The following RHOU variants were observed in gnomAD, a reference collection of about 807,000 sequenced individuals.
The protein encoded by RHOU is ras homolog family member U.
Under a neutral mutation model 12.6 loss-of-function variants are expected in RHOU, and 8 were observed. That is an observed-to-expected ratio of 0.64 (90% confidence interval 0.37 to 1.15). The LOEUF is 1.15. Among genes scored for constraint, RHOU ranks in the 50% most tolerant of loss-of-function variants. RHOU has a pLI of 0.01. For missense variants in RHOU, 258 were observed against 347.0 expected (o/e 0.74, Z 2.04); for synonymous variants, 161 against 147.4 (o/e 1.09, Z -0.67).
chr1:228,703,527 G>GA, the RHOU span, among the ~76,000 whole-genome samples: 1,360 of 146,798 alleles, frequency 9.3e-3, 9 homozygotes, highest in East Asian at 0.02. Context: ...CTCCATCTCT[G>GA]AAAAAAAAAA....
At chr1:228,651,154 C>A in the RHOU span, 1 of 205,220 alleles carries the variant, frequency 4.9e-6, no homozygotes, top group South Asian at 1.0e-4. Flanking sequence ...TGGGCCAGCT[C>A]CTGCGGTAGG....
intron 2 of RHOU, among the ~76,000 whole-genome samples, chr1:228,740,478 TC>T (rs1662699389): frequency 2.7e-5 from 4 of 149,726 alleles, no homozygotes; most frequent in African/African-American, 1.0e-4. Flanking sequence ...AGTCAGTTGT[TC>T]TGTTTTTGTT....
the RHOU span, among the ~76,000 whole-genome samples, chr1:228,656,819 T>C: frequency 1.3e-5 from 2 of 152,106 alleles, no homozygotes; most frequent in Non-Finnish European, 2.9e-5. Flanking sequence ...ATGACAGAAG[T>C]AAGTTCTTCC....
chr1:228,700,393 G>C, the RHOU span, among the ~76,000 whole-genome samples: 1 of 152,176 alleles, frequency 6.6e-6, no homozygotes, highest in Non-Finnish European at 1.5e-5. Flanking sequence ...CCCTTTGTTA[G>C]AGTTCTGGGA....
intron 2 of RHOU, among the ~76,000 whole-genome samples, chr1:228,739,437 G>A (rs759352930): frequency 6.6e-6 from 1 of 152,072 alleles, no homozygotes; most frequent in Admixed American, 6.5e-5. Context: ...GGTGCCGGGC[G>A]CCTGTAATAG....
upstream of RHOU, chr1:228,735,149 G>A (rs1275149275): frequency 1.3e-5 from 2 of 152,214 alleles, no homozygotes; most frequent in East Asian, 1.9e-4. This position sits in a 1 kb window ranked among gnomAD's most constrained non-coding sequence, Gnocchi z 8.1. Context: ...GGAACCTCCC[G>A]GGCCAGTCGC....
Position 228,746,332 on chromosome 1 carries a change from G to T in RHOU, c.*2592G>T, listed in dbSNP as rs1326050617. The T allele has an allele frequency of 6.6e-6, 1 of 152,166 alleles. No homozygotes were observed. Among genetic ancestry groups the T allele is most frequent in the African/African-American group, 2.4e-5 (1 of 41,440 alleles). 9.4% of individuals were successfully genotyped at this position (152,166 alleles called of 1,614,324 possible). On this transcript the variant is annotated 3_prime_UTR_variant, in exon 3 of 3. Coordinates refer to ENST00000366691, the MANE Select transcript of RHOU (RefSeq NM_021205.6). ...GCAGAGAAGATTTTATAAGAATTTT[G>T]CTTTAGAGAATGCCACTTTGGCTGA...
At chr1:228,728,249 C>T in the RHOU span, among the ~76,000 whole-genome samples, 2 of 152,176 alleles carry the variant, frequency 1.3e-5, no homozygotes, top group South Asian at 2.1e-4. Flanking sequence ...ACGTTAGCAG[C>T]GAGTCTAGCC....
At chr1:228,720,695 G>A in the RHOU span, among the ~76,000 whole-genome samples, 22 of 152,156 alleles carry the variant, frequency 1.4e-4, no homozygotes, top group Non-Finnish European at 3.2e-4. Flanking sequence ...AAATTTCTGT[G>A]GTTTAAGAAC....
the RHOU span, among the ~76,000 whole-genome samples, chr1:228,717,225 A>G: frequency 6.6e-6 from 1 of 152,218 alleles, no homozygotes; most frequent in Non-Finnish European, 1.5e-5. Context: ...TGCCTATTTG[A>G]TATATCTACT....
chr1:228,711,831 C>A, the RHOU span, among the ~76,000 whole-genome samples: 1 of 146,646 alleles, frequency 6.8e-6, no homozygotes, highest in African/African-American at 2.5e-5. Context: ...AACTAAAGAG[C>A]TTCTGCACAG....
At chr1:228,647,929 T>A in the RHOU span, 1 of 152,124 alleles carries the variant, frequency 6.6e-6, no homozygotes, top group Non-Finnish European at 1.5e-5. Flanking sequence ...GTCTCCTGGT[T>A]TTCTCAAGTG....
At chr1:228,708,905 AG>A in the RHOU span, among the ~76,000 whole-genome samples, 9 of 152,250 alleles carry the variant, frequency 5.9e-5, no homozygotes, top group African/African-American at 9.6e-5. Context: ...TGCTGTATTC[AG>A]GAAACCCATC....
At chr1:228,680,520 G>A in the RHOU span, among the ~76,000 whole-genome samples, 12 of 152,328 alleles carry the variant, frequency 7.9e-5, no homozygotes, top group African/African-American at 2.9e-4. Context: ...GCAAGTAGCT[G>A]TAACTCAGAA....
At chr1:228,701,435 T>A in the RHOU span, among the ~76,000 whole-genome samples, 1 of 152,182 alleles carries the variant, frequency 6.6e-6, no homozygotes, top group Non-Finnish European at 1.5e-5. Flanking sequence ...CCTCTTGCTG[T>A]CTCATTTTTT....
At chr1:228,707,531 C>G in the RHOU span, among the ~76,000 whole-genome samples, 1 of 151,624 alleles carries the variant, frequency 6.6e-6, no homozygotes, top group Non-Finnish European at 1.5e-5. Context: ...CTGGGAGGCA[C>G]CCCCCAGCAG....
the RHOU span, among the ~76,000 whole-genome samples, chr1:228,719,480 C>T: frequency 4.6e-5 from 7 of 152,134 alleles, no homozygotes; most frequent in South Asian, 4.1e-4. Flanking sequence ...CTGTAGTCCC[C>T]GCACTTTGGA....
chr1:228,651,700 G>A, the RHOU span, among the ~76,000 whole-genome samples: 1 of 152,190 alleles, frequency 6.6e-6, no homozygotes, highest in African/African-American at 2.4e-5. Context: ...ATAAATACCT[G>A]CAGCAACATG....
the RHOU span, among the ~76,000 whole-genome samples, chr1:228,676,885 G>T: frequency 6.6e-6 from 1 of 152,214 alleles, no homozygotes; most frequent in African/African-American, 2.4e-5. Context: ...ATCAGTTAAG[G>T]CTATTTTCAC....
Sources: gnomAD v4.1 joint callset for allele counts (sites outside exome capture counted in the v4.1 genomes callset) on GRCh38, gnomAD v4.1.1 for gene constraint, Gnocchi (gnomAD v3.1) non-coding constraint, MANE v1.5 for transcripts, NCBI Gene and HGNC (gene_info 2026-07-23, HGNC 2026-07-21) for gene names.